The following SUN3 variants were observed in gnomAD, a reference collection of about 807,000 sequenced individuals.
SUN3 encodes the protein SUN domain-containing protein 3.
SUN3 carries 36 observed loss-of-function variants against 48.2 expected under a neutral mutation model. The ratio of observed to expected loss-of-function variants is 0.75; its 90% confidence interval spans 0.57 to 0.99. The LOEUF is 0.99. Among genes scored for constraint, SUN3 ranks in the 50% least tolerant of loss-of-function variants. SUN3 has a pLI of 0.00. For synonymous variants in SUN3, 148 were observed against 147.9 expected, an observed-to-expected ratio of 1.00 and a Z score of 0.00; for missense variants, 419 against 433.1, an observed-to-expected ratio of 0.97 and a Z score of 0.29.
At chr7:47,997,193 C>A (rs960629645) in intron 6 of SUN3, among the ~76,000 whole-genome samples, 11 of 152,114 alleles carry the variant, frequency 7.2e-5, no homozygotes, top group African/African-American at 2.7e-4. Context: ...TAAAAGACAG[C>A]CATTTAAATT....
chr7:47,995,218 G>A (rs1314081872), intron 7 of SUN3, among the ~76,000 whole-genome samples: 1 of 151,466 alleles, frequency 6.6e-6, no homozygotes, highest in Non-Finnish European at 1.5e-5. Flanking sequence ...GGGTGGTGAT[G>A]AAGAAAGATG....
chr7:47,988,627 T>C (rs1021839397), intron 9 of SUN3, among the ~76,000 whole-genome samples, 161 bp downstream of exon 9: 1 of 152,240 alleles, frequency 6.6e-6, no homozygotes, highest in African/African-American at 2.4e-5. Flanking sequence ...TGCATTAAAA[T>C]CCTCGTAAGC....
chr7:47,989,124 A>T (rs1030040750), intron 8 of SUN3, among the ~76,000 whole-genome samples: 5 of 152,228 alleles, frequency 3.3e-5, no homozygotes, highest in Non-Finnish European at 5.9e-5. Flanking sequence ...ATAGATAGAT[A>T]GAGAGCTAGA....
chr7:48,019,540 C>A (rs1255903064), intron 2 of SUN3, among the ~76,000 whole-genome samples: 1 of 151,860 alleles, frequency 6.6e-6, no homozygotes, highest in South Asian at 2.1e-4. Flanking sequence ...AACTGACAAA[C>A]CTTTAGCCAG....
At chr7:47,999,304 T>C (rs1789294621) in intron 6 of SUN3, among the ~76,000 whole-genome samples, 1 of 152,142 alleles carries the variant, frequency 6.6e-6, no homozygotes, top group Non-Finnish European at 1.5e-5. Flanking sequence ...TATTAGTATA[T>C]AGAAATTGTA....
chr7:48,027,764 A>T (rs918973816), intron 1 of SUN3, among the ~76,000 whole-genome samples: 1 of 152,154 alleles, frequency 6.6e-6, no homozygotes, highest in Non-Finnish European at 1.5e-5. Flanking sequence ...AACTAAGAAG[A>T]GAATTTTCTT....
Position 47,992,482 on chromosome 7 carries a change from G to A in SUN3, c.861+1833C>T, listed in dbSNP as rs935992680. Reference sequence around the variant, plus strand: ...CATGACAGCAGGAATGAAAATTTCCGTAGAGGGGTTAAAATGTGAATTGAT... The same window carrying A: ...CATGACAGCAGGAATGAAAATTTCCATAGAGGGGTTAAAATGTGAATTGAT... On this transcript the variant is annotated intron_variant, in intron 8 of 9. Coordinates refer to ENST00000297325, the MANE Select transcript of SUN3 (RefSeq NM_001030019.2). 3.9e-5 allele frequency among the ~76,000 whole-genome samples: 6 copies of A among 152,170 alleles called. 1 individual carries two copies. Among genetic ancestry groups the A allele is most frequent in the Non-Finnish European group, 1.5e-5 (1 of 68,026 alleles).
At chr7:48,006,569 C>G (rs1464657849) in intron 5 of SUN3, among the ~76,000 whole-genome samples, 1 of 151,272 alleles carries the variant, frequency 6.6e-6, no homozygotes, top group Non-Finnish European at 1.5e-5. Context: ...ACAAACAAAA[C>G]CAAAAGCACC....
chr7:47,993,218 T>C (rs1789115265), intron 8 of SUN3, among the ~76,000 whole-genome samples: 3 of 152,182 alleles, frequency 2.0e-5, no homozygotes, highest in Non-Finnish European at 4.4e-5. Flanking sequence ...TGAGTATTGC[T>C]TGAACAAAAA....
chr7:47,990,977 G>A (rs1187431448), intron 8 of SUN3: 1 of 452,624 alleles, frequency 2.2e-6, no homozygotes, highest in Non-Finnish European at 4.4e-6. Flanking sequence ...AGGGAGAGGA[G>A]CAGAGAAATA....
Position 47,987,258 on chromosome 7 carries a change from G to A in SUN3, c.*72C>T. The A allele has an allele frequency of 5.3e-6, 8 of 1,516,024 alleles. No homozygotes were observed. The highest frequency in any genetic ancestry group is 7.1e-6 in the Non-Finnish European group (8 of 1,123,466). 93.9% of individuals were successfully genotyped at this position (1,516,024 alleles called of 1,614,324 possible). A position where few individuals can be genotyped will look rare whatever the true frequency, so the allele number is the denominator to read the frequency against. On this transcript the variant is annotated 3_prime_UTR_variant, in exon 10 of 10. Coordinates refer to ENST00000297325, the MANE Select transcript of SUN3 (RefSeq NM_001030019.2). The stretch of plus-strand genomic sequence containing the variant: ...CTCCCAATTCTCAATTCCTATGGGT[G>A]CGGTATCATCTAAGAGAATAAGCAT...
At chr7:48,022,751 G>A (rs1025714012) in intron 2 of SUN3, among the ~76,000 whole-genome samples, 2 of 151,954 alleles carry the variant, frequency 1.3e-5, no homozygotes, top group African/African-American at 4.8e-5. Context: ...AAAACACAGA[G>A]ATAATCTTGA....
chr7:48,027,008 C>A (rs371507905), intron 1 of SUN3, among the ~76,000 whole-genome samples: 1 of 152,292 alleles, frequency 6.6e-6, no homozygotes, highest in East Asian at 1.9e-4. Flanking sequence ...CCTATACCTC[C>A]CACCTCCAAA....
At chr7:48,003,112 G>A (rs1387283627) in intron 6 of SUN3, among the ~76,000 whole-genome samples, 2 of 152,046 alleles carry the variant, frequency 1.3e-5, no homozygotes, top group Admixed American at 6.6e-5. Context: ...TATGGAAGGG[G>A]TCCAATTTCA....
intron 6 of SUN3, among the ~76,000 whole-genome samples, chr7:48,001,569 T>C (rs1251365787): frequency 6.9e-6 from 1 of 144,730 alleles, no homozygotes; most frequent in Non-Finnish European, 1.5e-5. Flanking sequence ...AGTCTCGCTC[T>C]GTTGCCCAGG....
chr7:48,035,428 T>TC, the SUN3 span: 32 of 672,064 alleles, frequency 4.8e-5, no homozygotes, highest in African/African-American at 1.1e-4. The surrounding 1 kb of genome is among the most constrained non-coding windows in gnomAD (Gnocchi z 4.0). Context: ...GGCCCACCGC[T>TC]CCCCCTCAGG....
chr7:48,034,867 AAC>A, the SUN3 span, among the ~76,000 whole-genome samples: 1 of 152,236 alleles, frequency 6.6e-6, no homozygotes, highest in African/African-American at 2.4e-5. Flanking sequence ...CAACTTATAA[AAC>A]AGAAATATTC....
chr7:48,026,101 A>C (rs1790126820), intron 1 of SUN3, among the ~76,000 whole-genome samples, 163 bp from the exon 2 acceptor site: 1 of 152,186 alleles, frequency 6.6e-6, no homozygotes, highest in South Asian at 2.1e-4. Context: ...ACTATTTTTT[A>C]AATTGAGAGA....
intron 8 of SUN3, among the ~76,000 whole-genome samples, chr7:47,990,206 ACCCG>A (rs1218846727): frequency 5.3e-5 from 8 of 151,824 alleles, no homozygotes; most frequent in African/African-American, 1.9e-4. Context: ...TCGGTGTAAA[ACCCG>A]ATTGAATATC....
Sources: allele counts gnomAD v4.1 joint callset (sites outside exome capture counted in the v4.1 genomes callset), GRCh38; gene constraint gnomAD v4.1.1; non-coding constraint Gnocchi (gnomAD v3.1); transcripts MANE v1.5; gene names NCBI Gene and HGNC (gene_info 2026-07-23, HGNC 2026-07-21).